The following PAPPA variants were observed in gnomAD, a reference collection of about 807,000 sequenced individuals.
PAPPA encodes pappalysin 1, also known as pappalysin-1.
Under a neutral mutation model 164.0 loss-of-function variants are expected in PAPPA, and 60 were observed. The ratio of observed to expected loss-of-function variants is 0.37; its 90% CI spans 0.30 to 0.45. PAPPA has a LOEUF of 0.45. Among genes scored for constraint, PAPPA ranks in the 20% least tolerant of loss-of-function variants. The pLI is 1.00. For missense variants in PAPPA, 1,782 were observed against 2,087.3 expected (o/e 0.85, Z 2.85); for synonymous variants, 875 against 814.1 (o/e 1.07, Z -1.27).
chr9:116,201,513 A>G (rs1368625588), intron 2 of PAPPA, among the ~76,000 whole-genome samples: 1 of 152,182 alleles, frequency 6.6e-6, no homozygotes, highest in African/African-American at 2.4e-5. Flanking sequence ...CGGGAACCCA[A>G]CAGGCACTGG....
chr9:116,290,745 A>C (rs1845426031), intron 9 of PAPPA, among the ~76,000 whole-genome samples: 1 of 151,564 alleles, frequency 6.6e-6, no homozygotes, highest in East Asian at 1.9e-4. Flanking sequence ...AAAACTGCTG[A>C]AACTCCCTTT....
At chr9:116,286,742 C>T (rs754508533) in intron 9 of PAPPA, 2 of 152,200 alleles carry the variant, frequency 1.3e-5, no homozygotes, top group Non-Finnish European at 2.9e-5. Context: ...AGATTACTTC[C>T]TTTAAGGAAA....
intron 1 of PAPPA, among the ~76,000 whole-genome samples, chr9:116,179,731 T>C (rs1261137711): frequency 6.6e-6 from 1 of 152,162 alleles, no homozygotes; most frequent in Non-Finnish European, 1.5e-5. Flanking sequence ...GCAGGGACCA[T>C]GGGTATACTT....
chr9:116,244,213 G>T (rs1373104846), intron 7 of PAPPA, among the ~76,000 whole-genome samples: 1 of 152,064 alleles, frequency 6.6e-6, no homozygotes, highest in African/African-American at 2.4e-5. Context: ...ATTTTGAAAG[G>T]GTGAAGGGCT....
intron 1 of PAPPA, among the ~76,000 whole-genome samples, chr9:116,169,155 G>A (rs1481675806): frequency 6.6e-6 from 1 of 151,810 alleles, no homozygotes; most frequent in South Asian, 2.1e-4. Context: ...TATGGCCCTG[G>A]TCTCTCTGAG....
At chr9:116,313,618 T>C (rs1174653657) in intron 10 of PAPPA, among the ~76,000 whole-genome samples, 8 of 152,168 alleles carry the variant, frequency 5.3e-5, no homozygotes, top group Admixed American at 3.9e-4. Flanking sequence ...AGCAAAATTG[T>C]ATCAGTGTTC....
intron 2 of PAPPA, among the ~76,000 whole-genome samples, chr9:116,200,459 G>T (rs751337265): frequency 2.2e-4 from 34 of 152,098 alleles, no homozygotes; most frequent in Non-Finnish European, 3.4e-4. Context: ...CCAAGTGGAG[G>T]GACCTTGGAA....
Position 116,271,024 on chromosome 9 carries a change from A to G in PAPPA, c.2862-301A>G, listed in dbSNP as rs1409550502. Among the ~76,000 whole-genome samples, 1 of 152,196 alleles carries G rather than the reference A, an allele frequency of 6.6e-6. No homozygotes were observed. Among genetic ancestry groups the G allele is most frequent in the Non-Finnish European group, 1.5e-5 (1 of 68,030 alleles). Reference sequence around the variant, plus strand: ...TGGGAGCAAGACCATTTATTTGTTCATTAGTTCTTCCATGTCTTACTCCCA... The same window carrying G: ...TGGGAGCAAGACCATTTATTTGTTCGTTAGTTCTTCCATGTCTTACTCCCA... On this transcript the variant is annotated intron_variant, in intron 8 of 21. Transcript: ENST00000328252. The surrounding 1 kb of genome is among the most constrained non-coding windows in gnomAD (Gnocchi z 4.2).
chr9:116,283,763 A>G (rs1262357174), intron 9 of PAPPA, among the ~76,000 whole-genome samples: 1 of 152,200 alleles, frequency 6.6e-6, no homozygotes, highest in Non-Finnish European at 1.5e-5. Context: ...GGAGTCCAAA[A>G]CCACATGTAT....
At chr9:116,181,750 G>T (rs1041414032) in intron 1 of PAPPA, among the ~76,000 whole-genome samples, 1 of 152,244 alleles carries the variant, frequency 6.6e-6, no homozygotes, top group East Asian at 1.9e-4. Context: ...TCCAGATGTC[G>T]AAGGACAAGC....
chr9:116,262,895 C>A (rs1245346647), intron 7 of PAPPA, among the ~76,000 whole-genome samples: 3 of 152,186 alleles, frequency 2.0e-5, no homozygotes, highest in African/African-American at 2.4e-5. Context: ...TGAAAGAAAT[C>A]TATTCTACCT....
chr9:116,369,083 T>C (rs1462658068), intron 19 of PAPPA, among the ~76,000 whole-genome samples: 1 of 152,116 alleles, frequency 6.6e-6, no homozygotes, highest in Non-Finnish European at 1.5e-5. Context: ...CTCCCTCTTC[T>C]GATATACCTT....
At chr9:116,312,354 C>G (rs1160057736) in intron 10 of PAPPA, among the ~76,000 whole-genome samples, 1 of 149,482 alleles carries the variant, frequency 6.7e-6, no homozygotes, top group Non-Finnish European at 1.5e-5. Flanking sequence ...CCAGCATGGC[C>G]TTTGCTGTGT....
chr9:116,311,566 G>A (rs988666243), intron 10 of PAPPA, among the ~76,000 whole-genome samples: 3 of 152,156 alleles, frequency 2.0e-5, no homozygotes, highest in African/African-American at 7.2e-5. Context: ...CACAGAGGAA[G>A]CATAAGCTTT....
At chr9:116,395,869 A>T (rs931243588) in intron 21 of PAPPA, among the ~76,000 whole-genome samples, 1 of 152,166 alleles carries the variant, frequency 6.6e-6, no homozygotes, top group East Asian at 1.9e-4. Flanking sequence ...ACTAAAGTCA[A>T]AGTGACCAGT....
At chr9:116,356,409 C>G (rs1846354437) in intron 17 of PAPPA, among the ~76,000 whole-genome samples, 1 of 152,158 alleles carries the variant, frequency 6.6e-6, no homozygotes, top group Non-Finnish European at 1.5e-5. Context: ...ATGTGGTAGC[C>G]CTGGGGAATA....
intron 6 of PAPPA, among the ~76,000 whole-genome samples, chr9:116,230,905 T>C (rs537980875): frequency 6.6e-6 from 1 of 152,304 alleles, no homozygotes; most frequent in African/African-American, 2.4e-5. Flanking sequence ...ATCCCAAGTG[T>C]TGGGTTTTCC....
intron 13 of PAPPA, among the ~76,000 whole-genome samples, chr9:116,344,282 G>T (rs1013335526): frequency 2.0e-5 from 3 of 152,138 alleles, no homozygotes; most frequent in African/African-American, 7.2e-5. Context: ...GGCTATTCAA[G>T]GTTTAAATCT....
Position 116,395,293 on chromosome 9 carries a change from G to A in PAPPA, c.4777-1216G>A, listed in dbSNP as rs553154448. Among the ~76,000 whole-genome samples the A allele has an allele frequency of 1.2e-4, 19 of 152,254 alleles. No homozygotes were observed. The South Asian group carries it at 2.3e-3, about 18-fold the overall frequency. On this transcript the variant is annotated intron_variant, in intron 21 of 21. Coordinates refer to ENST00000328252, the MANE Select transcript of PAPPA (RefSeq NM_002581.5). ...CAGGATGGAGAGAGGTTGGGAGGGA[G>A]GGAAAGAGGTCAAAGAGGCAGAGAA...
Sources: gnomAD v4.1 joint callset for allele counts (sites outside exome capture counted in the v4.1 genomes callset) on GRCh38, gnomAD v4.1.1 for gene constraint, Gnocchi (gnomAD v3.1) non-coding constraint, MANE v1.5 for transcripts, NCBI Gene and HGNC (gene_info 2026-07-23, HGNC 2026-07-21) for gene names.